Variants in PDGFD observed in about 807,000 individuals in gnomAD.
PDGFD encodes platelet derived growth factor D.
In PDGFD, 30 loss-of-function variants were observed where a neutral mutation model predicts 44.7. That is an observed-to-expected ratio of 0.67 (90% CI 0.50 to 0.91). PDGFD has a LOEUF of 0.91. PDGFD is among the 40% of genes least tolerant of loss of function. The probability of loss-of-function intolerance (pLI) is 0.00; values close to 1 mark genes in which losing one functional copy is unlikely to be tolerated. For missense variants in PDGFD, 445 were observed against 457.8 expected, an observed-to-expected ratio of 0.97 and a Z score of 0.25; for synonymous variants, 173 against 168.4, an observed-to-expected ratio of 1.03 and a Z score of -0.21.
At chr11:103,974,040 C>T (rs1400254255) in intron 3 of PDGFD, among the ~76,000 whole-genome samples, 1 of 151,826 alleles carries the variant, frequency 6.6e-6, no homozygotes, top group African/African-American at 2.4e-5. Flanking sequence ...GGCAGAGAGA[C>T]AAAGGAGAAG....
intron 1 of PDGFD, among the ~76,000 whole-genome samples, chr11:104,057,135 A>G (rs1860632616): frequency 6.6e-6 from 1 of 152,162 alleles, no homozygotes. Flanking sequence ...CCCTCCCCCT[A>G]CAAAAAATAA....
chr11:103,979,208 C>T (rs1859227941), intron 3 of PDGFD, among the ~76,000 whole-genome samples: 2 of 151,900 alleles, frequency 1.3e-5, no homozygotes, highest in Admixed American at 6.6e-5. Context: ...TCTTTCTTTC[C>T]TTTAGCTTTA....
At chr11:104,036,816 C>G (rs1259217430) in intron 1 of PDGFD, 1 of 1,609,310 alleles carries the variant, frequency 6.2e-7, no homozygotes. Flanking sequence ...CCGCCCGGGC[C>G]CCCGCCATGC....
chr11:104,038,637 C>G (rs1860296316), intron 1 of PDGFD: 1 of 167,042 alleles, frequency 6.0e-6, no homozygotes, highest in African/African-American at 2.4e-5. Flanking sequence ...CAGCTAAAGA[C>G]TATTTTTGCC....
chr11:104,089,462 T>C (rs764881588), intron 1 of PDGFD, among the ~76,000 whole-genome samples: 1 of 152,190 alleles, frequency 6.6e-6, no homozygotes, highest in African/African-American at 2.4e-5. Flanking sequence ...TGTTGTTTTT[T>C]TTCATGTAGG....
intron 1 of PDGFD, among the ~76,000 whole-genome samples, chr11:104,072,248 T>C (rs866249950): frequency 6.6e-6 from 1 of 151,914 alleles, no homozygotes; most frequent in Admixed American, 6.5e-5. Flanking sequence ...TCTTTTCATT[T>C]ATTTAAAACT....
chr11:103,951,696 T>C (rs994356787), intron 3 of PDGFD, among the ~76,000 whole-genome samples: 2 of 152,192 alleles, frequency 1.3e-5, no homozygotes, highest in African/African-American at 4.8e-5. Context: ...CTGGATGCAC[T>C]TTCCCCAAAC....
intron 3 of PDGFD, among the ~76,000 whole-genome samples, chr11:103,976,902 A>C (rs930391280): frequency 5.3e-5 from 8 of 151,908 alleles, no homozygotes; most frequent in Non-Finnish European, 1.0e-4. Context: ...TGAAGCCAGG[A>C]GCTGTATTTT....
chr11:104,036,259 G>A (rs1860230109), intron 1 of PDGFD, among the ~76,000 whole-genome samples: 1 of 151,982 alleles, frequency 6.6e-6, no homozygotes, highest in South Asian at 2.1e-4. Context: ...GGACAACACA[G>A]TGAGACCCCA....
At chr11:104,156,646 CAG>C (rs748963198) in intron 1 of PDGFD, among the ~76,000 whole-genome samples, 7 of 152,078 alleles carry the variant, frequency 4.6e-5, no homozygotes, top group Non-Finnish European at 8.8e-5. Flanking sequence ...AAAAAACACA[CAG>C]TATTAATCTG....
chr11:104,025,619 T>A (rs950271334), intron 1 of PDGFD, among the ~76,000 whole-genome samples: 1 of 151,890 alleles, frequency 6.6e-6, no homozygotes, highest in African/African-American at 2.4e-5. Flanking sequence ...CCCCTAGGGG[T>A]ATGAAAGCCT....
chr11:104,108,281 GAA>G (rs900326188), intron 1 of PDGFD, among the ~76,000 whole-genome samples: 61 of 151,910 alleles, frequency 4.0e-4, no homozygotes, highest in African/African-American at 1.4e-3. Flanking sequence ...TACAGAATGG[GAA>G]AACATTTTTG....
At chr11:104,031,534 C>T (rs1437003872) in intron 1 of PDGFD, among the ~76,000 whole-genome samples, 2 of 152,148 alleles carry the variant, frequency 1.3e-5, no homozygotes, top group Admixed American at 1.3e-4. Context: ...AATGCTTTTA[C>T]ACTGTTGGTG....
chr11:103,959,491 G>C (rs1302915909), intron 3 of PDGFD, among the ~76,000 whole-genome samples: 1 of 152,102 alleles, frequency 6.6e-6, no homozygotes, highest in African/African-American at 2.4e-5. Flanking sequence ...TCACAAAAGG[G>C]GAGATTCGTA....
rs1859772409 is a variant in PDGFD, at chr11:104,010,726, T to A, written c.125-10471A>T. Among the ~76,000 whole-genome samples the A allele has an allele frequency of 2.0e-5, 3 of 152,106 alleles. No individual in the cohort carries two copies. In the South Asian group the frequency reaches 6.2e-4, roughly 32 times the overall value. On this transcript the variant is annotated intron_variant, in intron 1 of 6. Transcript: ENST00000393158. Reference sequence around the variant, plus strand: ...ATTCTCTGATAATTCTCTTTTCTTCTATGGTAGTCTGTTTGTGTTGCGATA... The same window carrying A: ...ATTCTCTGATAATTCTCTTTTCTTCAATGGTAGTCTGTTTGTGTTGCGATA...
At chr11:104,111,541 A>G (rs991954824) in intron 1 of PDGFD, among the ~76,000 whole-genome samples, 4 of 151,980 alleles carry the variant, frequency 2.6e-5, no homozygotes, top group African/African-American at 9.7e-5. Context: ...TACAGGTGTG[A>G]GCCACCATGC....
intron 1 of PDGFD, among the ~76,000 whole-genome samples, chr11:104,145,003 T>C (rs997532623): frequency 2.6e-5 from 4 of 152,222 alleles, no homozygotes; most frequent in Non-Finnish European, 5.9e-5. Context: ...GAAAATACCC[T>C]GCTTGCCTTA....
chr11:104,155,967 T>G (rs1466505855), intron 1 of PDGFD, among the ~76,000 whole-genome samples: 5 of 152,134 alleles, frequency 3.3e-5, no homozygotes, highest in Non-Finnish European at 7.4e-5. Flanking sequence ...TCTTAAATAT[T>G]CAGGATCCTA....
intron 6 of PDGFD, among the ~76,000 whole-genome samples, chr11:103,912,011 C>A (rs11226064): frequency 0.46 from 69,350 of 151,602 alleles, 15,930 homozygotes; most frequent in South Asian, 0.49. Flanking sequence ...TGATTGGTGT[C>A]CCCCAAAGTG....
Sources: allele counts gnomAD v4.1 joint callset (sites outside exome capture counted in the v4.1 genomes callset), GRCh38; gene constraint gnomAD v4.1.1; transcripts MANE v1.5; gene names NCBI Gene and HGNC (gene_info 2026-07-23, HGNC 2026-07-21).